The following DDI2 variants were observed in gnomAD, a reference collection of about 807,000 sequenced individuals.
The protein encoded by DDI2 is DDI proteasomal shuttling factor 2, also known as protein DDI1 homolog 2.
Under a neutral mutation model 48.1 loss-of-function variants are expected in DDI2, and 5 were observed. The ratio of observed to expected loss-of-function variants is 0.10; its 90% CI spans 0.05 to 0.22. The LOEUF is 0.22. Ranked by LOEUF, DDI2 falls within the 10% of genes least tolerant of loss-of-function variation. DDI2 has a pLI of 1.00. For synonymous variants in DDI2, 205 were observed against 183.6 expected, an observed-to-expected ratio of 1.12 and a Z score of -0.94; for missense variants, 285 against 506.2, an observed-to-expected ratio of 0.56 and a Z score of 4.19.
In DDI2 at chr1:15,660,998, A is replaced by C; in HGVS notation, c.*1208A>C. 1 of 1,614,030 alleles carries C rather than the reference A, an allele frequency of 6.2e-7. No individual in the cohort carries two copies. Among genetic ancestry groups the C allele is most frequent in the Non-Finnish European group, 8.5e-7 (1 of 1,179,980 alleles). The stretch of plus-strand genomic sequence containing the variant: ...CCAGCTTCAGAAAATACATCTGAAG[A>C]AGTAATCTGTCAATCAGAAACCATA... On this transcript the variant is annotated 3_prime_UTR_variant, in exon 10 of 10. Coordinates refer to ENST00000480945, the MANE Select transcript of DDI2 (RefSeq NM_032341.5).
At chr1:15,654,617 A>C (rs1640242899) in intron 8 of DDI2, among the ~76,000 whole-genome samples, 1 of 151,556 alleles carries the variant, frequency 6.6e-6, no homozygotes, top group Admixed American at 6.6e-5. Flanking sequence ...CATCGCTGCC[A>C]CTGCAATCCA....
At chr1:15,652,043 C>T (rs1570987936) in intron 8 of DDI2, 148 bp downstream of exon 8, 1 of 554,370 alleles carries the variant, frequency 1.8e-6, no homozygotes, top group African/African-American at 2.4e-5. Context: ...TTCTTAACCT[C>T]CTTCTTTGAT....
Position 15,649,844 on chromosome 1 carries a change from T to A in DDI2, c.993+21T>A, listed in dbSNP as rs773583641. On this transcript the variant is annotated intron_variant, in intron 7 of 9. Transcript: ENST00000480945. Reference sequence around the variant, plus strand: ...ACCAGGTAATTAAGAGCTTCACTTATTTTTTTTGCATCTGCTTTTTGTAAT... The same window carrying A: ...ACCAGGTAATTAAGAGCTTCACTTAATTTTTTTGCATCTGCTTTTTGTAAT... 1.9e-6 allele frequency: 3 copies of A among 1,554,966 alleles called. No homozygotes were observed. In the Admixed American group the frequency reaches 5.8e-5, roughly 30 times the overall value.
intron 1 of DDI2, among the ~76,000 whole-genome samples, chr1:15,621,122 G>A (rs1639656235): frequency 6.6e-6 from 1 of 152,206 alleles, no homozygotes; most frequent in African/African-American, 2.4e-5. Flanking sequence ...CTTAATAGAA[G>A]TGTGGGCTTG....
rs202189347 is a variant in DDI2, at chr1:15,656,572, G to C, written c.1184-45G>C. The C allele has an allele frequency of 5.2e-4, 841 of 1,614,094 alleles. 2 individuals carry two copies. Among genetic ancestry groups the C allele is most frequent in the Non-Finnish European group, 4.7e-4 (555 of 1,179,964 alleles). ...TATAACCCTGCATGCTGTGTGGTTT[G>C]CATTGTTAACCCAAGTTTGCTTGTC... On this transcript the variant is annotated intron_variant, in intron 8 of 9. Transcript: ENST00000480945.
At position 15,667,177 on chromosome 1, in the gene DDI2, AG is replaced by A. The variant is rs1640465755; in HGVS notation, c.*7388del. ...AGCCGGGATCACGTCACTGTACTCC[AG>A]CCTGGGCAAGAGTGAGACACCGTCT... On this transcript the variant is annotated 3_prime_UTR_variant, in exon 10 of 10. Transcript: ENST00000480945. 6.6e-6 allele frequency: 1 copy of A among 151,408 alleles called. No individual in the cohort carries two copies. The highest frequency in any genetic ancestry group is 1.5e-5 in the Non-Finnish European group (1 of 67,972). The allele number at this position is 151,408 out of a possible 1,614,324, so 9.4% of individuals were successfully genotyped here.
At chr1:15,636,137 T>G (rs748107880) in intron 4 of DDI2, among the ~76,000 whole-genome samples, 12 of 151,860 alleles carry the variant, frequency 7.9e-5, no homozygotes, top group Non-Finnish European at 1.6e-4. Context: ...GTCAGCAGAG[T>G]TTTTTTTGTT....
intron 3 of DDI2, among the ~76,000 whole-genome samples, chr1:15,632,533 C>CA (rs894678552): frequency 1.9e-4 from 28 of 150,346 alleles, no homozygotes; most frequent in African/African-American, 3.9e-4. Flanking sequence ...AACTCCATCT[C>CA]AAAAAAAAAG....
At position 15,649,733 on chromosome 1, in the gene DDI2, T is replaced by A; in HGVS notation, c.903T>A (p.Ile301=). 6.2e-7 allele frequency: 1 copy of A among 1,613,020 alleles called. No individual in the cohort carries two copies. The highest frequency in any genetic ancestry group is 8.5e-7 in the Non-Finnish European group (1 of 1,179,608). ...TGTGCTTTTTAGCTCAGGTTCAGATTGAAGGAGATTTTTTGCCATGTTCCT... is the reference window on the plus strand; with the variant it reads ...TGTGCTTTTTAGCTCAGGTTCAGATAGAAGGAGATTTTTTGCCATGTTCCT... ...IGRVHLAQVQ[I]EGDFLPCSFS... The change falls in exon 7 of 10, where the codon ATT becomes ATA. Residue 301 remains isoleucine, a synonymous_variant. Transcript: ENST00000480945.
In DDI2 at chr1:15,626,813, G is replaced by A. The variant is rs193147217; in HGVS notation, c.268+15G>A. 2.0e-4 allele frequency: 317 copies of A among 1,614,068 alleles called. 2 individuals are homozygous for A. The East Asian group carries it at 6.1e-3, about 31-fold the overall frequency. On this transcript the variant is annotated intron_variant, in intron 2 of 9. Coordinates refer to ENST00000480945, the MANE Select transcript of DDI2 (RefSeq NM_032341.5). ...GCAGTTCCCAAGTAAGACATCTGGT[G>A]GTTGAGCATCCCCCAGCAGAACCAT...
intron 1 of DDI2, among the ~76,000 whole-genome samples, chr1:15,621,264 G>A (rs1038436393): frequency 1.3e-5 from 2 of 152,046 alleles, no homozygotes; most frequent in Admixed American, 1.3e-4. Flanking sequence ...TACCTCTGTA[G>A]GTGGCATATG....
rs370728497 is a variant in DDI2 at position 15,634,539 on chromosome 1, C to CTTTTTTTT, written c.632+978_632+985dup. On this transcript the variant is annotated intron_variant, in intron 4 of 9. Coordinates refer to ENST00000480945, the MANE Select transcript of DDI2 (RefSeq NM_032341.5). ...TTTTTAAACTTCTTATTCTTTTTATCTTTTTTTTTTTGAGACAAGGTCTCA... is the reference window on the plus strand; with the variant it reads ...TTTTTAAACTTCTTATTCTTTTTATCTTTTTTTTTTTTTTTTTTTGAGACAAGGTCTCA... 1.1e-4 allele frequency among the ~76,000 whole-genome samples: 11 copies of CTTTTTTTT among 100,140 alleles called. 1 individual carries two copies. Among genetic ancestry groups the CTTTTTTTT allele is most frequent in the African/African-American group, 2.3e-4 (5 of 22,180 alleles). The allele number at this position is 100,140 out of a possible 152,430, so 65.7% of individuals were successfully genotyped here.
At chr1:15,632,936 A>ATTTTT (rs1557614994) in intron 3 of DDI2, among the ~76,000 whole-genome samples, 2,595 of 121,940 alleles carry the variant, frequency 0.021, 66 homozygotes, top group African/African-American at 0.08. Context: ...TTTTTTAAAA[A>ATTTTT]AAAAAAAACA....
At chr1:15,621,016 T>C (rs1639651738) in intron 1 of DDI2, among the ~76,000 whole-genome samples, 1 of 152,196 alleles carries the variant, frequency 6.6e-6, no homozygotes, top group African/African-American at 2.4e-5. Flanking sequence ...TTTTAACAGC[T>C]CTAGTCTGAT....
At chr1:15,625,564 T>C (rs958932935) in intron 1 of DDI2, among the ~76,000 whole-genome samples, 2 of 152,188 alleles carry the variant, frequency 1.3e-5, no homozygotes, top group African/African-American at 2.4e-5. Context: ...CATTCCTAAT[T>C]CTTTTTTCCA....
chr1:15,627,527 T>C lies in DDI2; in HGVS notation c.268+729T>C, dbSNP rs76799195. Among the ~76,000 whole-genome samples, 88 of 152,310 alleles carry C rather than the reference T, an allele frequency of 5.8e-4. 1 individual carries two copies. The East Asian group carries it at 0.016, about 28-fold the overall frequency. ...ATGTTTATAGTCTGAACTCTGTGCA[T>C]TGGGATTTAGTAGGTTCTATGTCAC... On this transcript the variant is annotated intron_variant, in intron 2 of 9. Transcript: ENST00000480945.
In DDI2 at chr1:15,667,658, T is replaced by C. The variant is rs868102674; in HGVS notation, c.*7868T>C. ...TATTTGAGGCTCTACCAGGCCTGTC[T>C]ACAGGACAGCTTCATCAAAGGGACA... is the stretch of plus-strand genomic sequence containing the variant. On this transcript the variant is annotated 3_prime_UTR_variant, in exon 10 of 10. Coordinates refer to ENST00000480945, the MANE Select transcript of DDI2 (RefSeq NM_032341.5). The C allele has an allele frequency of 3.9e-5, 6 of 152,386 alleles. No homozygotes were observed. The South Asian group carries it at 6.2e-4, about 16-fold the overall frequency. The allele number at this position is 152,386 out of a possible 1,614,324, so 9.4% of individuals were successfully genotyped here. A position where few individuals can be genotyped will look rare whatever the true frequency, so the allele number is the denominator to read the frequency against.
chr1:15,641,615 T>G (rs865783132), intron 5 of DDI2, among the ~76,000 whole-genome samples: 1 of 152,192 alleles, frequency 6.6e-6, no homozygotes, highest in Non-Finnish European at 1.5e-5. Flanking sequence ...ATTGTCCTTT[T>G]GCAAGGGAAT....
intron 9 of DDI2, among the ~76,000 whole-genome samples, chr1:15,658,989 A>G (rs1640316799): frequency 6.6e-6 from 1 of 152,124 alleles, no homozygotes; most frequent in African/African-American, 2.4e-5. Flanking sequence ...AATATTCTTA[A>G]CTTAGTTGCA....
Sources: allele counts gnomAD v4.1 joint callset (sites outside exome capture counted in the v4.1 genomes callset), GRCh38; gene constraint gnomAD v4.1.1; transcripts MANE v1.5; gene names NCBI Gene and HGNC (gene_info 2026-07-23, HGNC 2026-07-21).